EXOC3L4: variants seen among roughly 807,000 people sequenced by gnomAD.
EXOC3L4 encodes the protein exocyst complex component 3-like protein 4.
A neutral mutation model predicts 69.7 loss-of-function variants in EXOC3L4; 62 were observed. The observed-to-expected ratio is 0.89, with a 90% CI of 0.72 to 1.10. The LOEUF is 1.10. EXOC3L4 is among the 50% of genes least tolerant of loss of function. EXOC3L4 has a pLI of 0.00. For synonymous variants in EXOC3L4, 502 were observed against 464.2 expected, an observed-to-expected ratio of 1.08 and a Z score of -1.05; for missense variants, 1,087 against 1,034.8, an observed-to-expected ratio of 1.05 and a Z score of -0.69.
Position 103,104,914 on chromosome 14 carries a change from G to A in EXOC3L4, c.1385+76G>A. On this transcript the variant is annotated intron_variant, in intron 6 of 11. Transcript: ENST00000688303. ...GGTGGGAGGGAGGAGTCTGCGTAGG[G>A]ACCTGATTGGGAGGGTGGACCCAGG... 5 of 1,568,068 alleles carry A rather than the reference G, an allele frequency of 3.2e-6. No individual in the cohort carries two copies. The South Asian group carries it at 4.6e-5, about 14-fold the overall frequency.
intron 1 of EXOC3L4, among the ~76,000 whole-genome samples, chr14:103,095,682 G>A (rs959815244): frequency 6.6e-6 from 1 of 152,212 alleles, no homozygotes; most frequent in African/African-American, 2.4e-5. Flanking sequence ...CGGCTCAGGG[G>A]GCTTATGCTT....
At chr14:103,104,135 G>A (rs991726819) in intron 4 of EXOC3L4, 83 bp downstream of exon 4, 1 of 1,444,672 alleles carries the variant, frequency 6.9e-7, no homozygotes, top group Non-Finnish European at 9.1e-7. Flanking sequence ...GGCTATCGGC[G>A]GCCAGAGCTG....
intron 11 of EXOC3L4, among the ~76,000 whole-genome samples, chr14:103,109,785 G>A (rs1371965536): frequency 1.4e-5 from 2 of 148,124 alleles, no homozygotes; most frequent in East Asian, 4.0e-4. Context: ...CTTTGCGTGG[G>A]CTCTTTCCCA....
In EXOC3L4 at chr14:103,102,680, C is replaced by T; in HGVS notation, c.957C>T (p.Ala319=). The T allele has an allele frequency of 6.7e-7, 1 of 1,488,262 alleles. No individual in the cohort carries two copies. Among genetic ancestry groups the T allele is most frequent in the Non-Finnish European group, 8.9e-7 (1 of 1,124,196 alleles). 92.2% of individuals were successfully genotyped at this position (1,488,262 alleles called of 1,614,324 possible). A position where few individuals can be genotyped will look rare whatever the true frequency, so the allele number is the denominator to read the frequency against. Residue 319 remains alanine (A), a synonymous_variant, in exon 3 of 12, where the codon GCC becomes GCT. Coordinates refer to ENST00000688303, the MANE Select transcript of EXOC3L4 (RefSeq NM_001077594.2). ...TCTATCTGCGTGCCTTCCACAGCGC[C>T]GTGGCCCAGCGCCTCCAGGAGCTCG... ...WEVYLRAFHS[A]VAQRLQELAR...
At chr14:103,100,103 TG>T in intron 1 of EXOC3L4, 100 bp from the exon 2 acceptor site, 1 of 1,306,010 alleles carries the variant, frequency 7.7e-7, no homozygotes, top group African/African-American at 1.5e-5. Context: ...CTGCCTCCTC[TG>T]GAGAGCCTTC....
chr14:103,107,861 G>T (rs1466761602), intron 10 of EXOC3L4, 78 bp downstream of exon 10: 24 of 1,446,180 alleles, frequency 1.7e-5, no homozygotes, highest in Non-Finnish European at 5.5e-6. Flanking sequence ...TTAGCGCCGG[G>T]AGGGCTTTTG....
chr14:103,099,229 A>G (rs1476430686), intron 1 of EXOC3L4, among the ~76,000 whole-genome samples: 4 of 152,026 alleles, frequency 2.6e-5, no homozygotes, highest in Non-Finnish European at 4.4e-5. Context: ...AGCTTGTGCA[A>G]TGGGGTGGGT....
At position 103,110,069 on chromosome 14, in the gene EXOC3L4, TG is replaced by T; in HGVS notation, c.2018del (p.Gly673AlafsTer16). On this transcript the variant is annotated frameshift_variant, in exon 12 of 12. Transcript: ENST00000688303. LOFTEE classifies it low-confidence loss of function (END_TRUNC). ...CTGGCCATTCTGGCGCTGCGCCGAC[TG>T]GGCCGCCAGCGGAACCAGCATCTCT... is the stretch of plus-strand genomic sequence containing the variant. ...HILAILALRR[L>X]GRQRNQHLLQ... 6.2e-7 allele frequency: 1 copy of T among 1,601,180 alleles called. No individual in the cohort carries two copies. The highest frequency in any genetic ancestry group is 8.5e-7 in the Non-Finnish European group (1 of 1,174,690).
chr14:103,107,568 C>T, intron 9 of EXOC3L4, 25 bp downstream of exon 9: 1 of 1,612,634 alleles, frequency 6.2e-7, no homozygotes, highest in Non-Finnish European at 8.5e-7. Flanking sequence ...AGGGCCCTGG[C>T]AGGGCTGTGC....
rs1433970039 is a variant in EXOC3L4 at position 103,097,100 on chromosome 14, G to A, written c.-17+2260G>A. ...AGCAGCTACGGGAGGGAAGGTCTAG[G>A]GGAAAGCGGGGAGTAGAAGCTGAGG... On this transcript the variant is annotated intron_variant, in intron 1 of 11. Transcript: ENST00000688303. The surrounding 1 kb of genome is among the most constrained non-coding windows in gnomAD (Gnocchi z 4.9). Among the ~76,000 whole-genome samples the A allele has an allele frequency of 6.6e-6, 1 of 151,522 alleles. No homozygotes were observed. Among genetic ancestry groups the A allele is most frequent in the Non-Finnish European group, 1.5e-5 (1 of 67,832 alleles).
chr14:103,103,354 C>CAAAAAAAAAAAAAAA (rs3070496), intron 3 of EXOC3L4, among the ~76,000 whole-genome samples: 4 of 94,886 alleles, frequency 4.2e-5, no homozygotes, highest in Non-Finnish European at 6.3e-5. Flanking sequence ...GACTCTGTCT[C>CAAAAAAAAAAAAAAA]AAAAAAAAAA....
At position 103,106,888 on chromosome 14, in the gene EXOC3L4, C is replaced by T. The variant is rs201390366; in HGVS notation, c.1570C>T (p.Arg524Cys). Residue 524 changes from arginine (R) to cysteine (C), a missense_variant, in exon 8 of 12, where the codon CGT becomes TGT. Transcript: ENST00000688303. The stretch of plus-strand genomic sequence containing the variant: ...GAAGCACTTGCTTCAGGGCTTGCAG[C>T]GTGAGTTGCAGGTGACTGTGATAGG... ...FQKHLLQGLQ[R>C]ELQPLFRVVC... The T allele has an allele frequency of 1.7e-4, 267 of 1,567,802 alleles. No individual in the cohort carries two copies. The highest frequency in any genetic ancestry group is 1.2e-3 in the African/African-American group (87 of 74,378).
intron 3 of EXOC3L4, 142 bp from the exon 4 acceptor site, chr14:103,103,797 CGT>C (rs56147384): frequency 0.085 from 35,447 of 418,446 alleles, 150 homozygotes; most frequent in Middle Eastern, 0.13. Flanking sequence ...GGCGCGCGCG[CGT>C]GTGTGTGTGT....
In EXOC3L4 at chr14:103,105,079, C is replaced by G. The variant is rs1186377134; in HGVS notation, c.1466+7C>G. 2 of 1,595,212 alleles carry G rather than the reference C, an allele frequency of 1.3e-6. No homozygotes were observed. On this transcript the variant is annotated splice_region_variant and intron_variant, in intron 7 of 11. Transcript: ENST00000688303. ...ACGCCTGCGAGGAGCTCAGGTAGGGCTCGCCCGCTCCTGTGCGGGCGCAGC... is the reference window on the plus strand; with the variant it reads ...ACGCCTGCGAGGAGCTCAGGTAGGGGTCGCCCGCTCCTGTGCGGGCGCAGC...
At chr14:103,108,305 G>T (rs1890694977) in intron 10 of EXOC3L4, 91 bp from the exon 11 acceptor site, 1 of 1,535,768 alleles carries the variant, frequency 6.5e-7, no homozygotes, top group African/African-American at 1.4e-5. Flanking sequence ...GCTGCGGGAG[G>T]GCTGACCTCG....
At position 103,097,480 on chromosome 14, in the gene EXOC3L4, G is replaced by A. The variant is rs1394121286; in HGVS notation, c.-17+2640G>A. On this transcript the variant is annotated intron_variant, in intron 1 of 11. Transcript: ENST00000688303. The surrounding 1 kb of genome is among the most constrained non-coding windows in gnomAD (Gnocchi z 4.9). ...GGCGAGAGCCTTGGGAGGTGGAGGG[G>A]GGAGTTGAGAGGGGCCTTCAGGTCT... Among the ~76,000 whole-genome samples, 1 of 152,120 alleles carries A rather than the reference G, an allele frequency of 6.6e-6. No individual in the cohort carries two copies. The highest frequency in any genetic ancestry group is 2.4e-5 in the African/African-American group (1 of 41,414).
intron 5 of EXOC3L4, 74 bp from the exon 6 acceptor site, chr14:103,104,664 C>T: frequency 7.6e-7 from 1 of 1,320,560 alleles, no homozygotes; most frequent in East Asian, 2.8e-5. Flanking sequence ...GGAGGCGCAG[C>T]GGGGGCTACC....
chr14:103,099,621 C>G (rs532796550), intron 1 of EXOC3L4, among the ~76,000 whole-genome samples: 1 of 152,242 alleles, frequency 6.6e-6, no homozygotes, highest in Non-Finnish European at 1.5e-5. Flanking sequence ...CACACCTCCT[C>G]GGCGGGCTCT....
chr14:103,099,330 A>G (rs990377036), intron 1 of EXOC3L4, among the ~76,000 whole-genome samples: 8 of 151,894 alleles, frequency 5.3e-5, no homozygotes, highest in African/African-American at 1.9e-4. Flanking sequence ...CTGGCAGGCC[A>G]CGGTGCCGAG....
Sources: allele counts gnomAD v4.1 joint callset (sites outside exome capture counted in the v4.1 genomes callset), GRCh38; gene constraint gnomAD v4.1.1; non-coding constraint Gnocchi (gnomAD v3.1); transcripts MANE v1.5; gene names NCBI Gene and HGNC (gene_info 2026-07-23, HGNC 2026-07-21).